Variants in PLEKHM1 observed in about 807,000 individuals in gnomAD.
The protein encoded by PLEKHM1 is pleckstrin homology domain-containing family M member 1.
A neutral mutation model predicts 94.3 loss-of-function variants in PLEKHM1; 28 were observed. The ratio of observed to expected loss-of-function variants is 0.30; its 90% CI spans 0.22 to 0.41. The LOEUF is 0.41. Ranked by LOEUF, PLEKHM1 falls within the 10% of genes least tolerant of loss-of-function variation. PLEKHM1 has a pLI of 1.00. For missense variants in PLEKHM1, 907 were observed against 1,358.6 expected, an observed-to-expected ratio of 0.67 and a Z score of 5.22; for synonymous variants, 424 against 581.2, an observed-to-expected ratio of 0.73 and a Z score of 3.89.
At chr17:45,462,794 C>T (rs1205483326) in intron 5 of PLEKHM1, among the ~76,000 whole-genome samples, 1 of 152,084 alleles carries the variant, frequency 6.6e-6, no homozygotes, top group Non-Finnish European at 1.5e-5. Flanking sequence ...AGATTATGGA[C>T]ATTCAGAATG....
intron 1 of PLEKHM1, among the ~76,000 whole-genome samples, chr17:45,487,140 CA>C (rs2052156158): frequency 6.6e-6 from 1 of 152,184 alleles, no homozygotes; most frequent in Admixed American, 6.5e-5. Context: ...TGACTGGTGC[CA>C]TTTAGGAAGC....
At chr17:45,468,764 C>T (rs2051405836) in intron 4 of PLEKHM1, among the ~76,000 whole-genome samples, 171 bp from the exon 5 acceptor site, 1 of 152,188 alleles carries the variant, frequency 6.6e-6, no homozygotes, top group Admixed American at 6.5e-5. Flanking sequence ...GACACTCCCA[C>T]CACGTTTTTC....
Position 45,468,247 on chromosome 17 carries a change from C to T in PLEKHM1, c.1270G>A (p.Ala424Thr). The change falls in exon 5 of 12, where the codon GCT becomes ACT. Residue 424 changes from alanine to threonine, a missense_variant. Ala to Thr is a moderately conservative substitution (Grantham distance 58). Around this residue, in one of 3 missense-constraint regions of PLEKHM1, gnomAD observed 477 missense variants for 601.5 expected, o/e 0.79. Transcript: ENST00000430334. ...GAGGAAACTACCAGCTTCAGACCAG[C>T]TCCGTCATGAGCCTGGGCCTTCTGC... ...GLQKAQAHDG[A>T]GLKLVVSSPT... 1 of 1,613,236 alleles carries T rather than the reference C, an allele frequency of 6.2e-7. No homozygotes were observed. The highest frequency in any genetic ancestry group is 8.5e-7 in the Non-Finnish European group (1 of 1,179,750).
intron 2 of PLEKHM1, among the ~76,000 whole-genome samples, chr17:45,480,378 G>C (rs1029085633): frequency 3.9e-5 from 6 of 152,006 alleles, no homozygotes; most frequent in African/African-American, 1.5e-4. Flanking sequence ...CAGCTACTTG[G>C]GAGGCAGAGG....
At chr17:45,487,637 A>T (rs1301092903) in intron 1 of PLEKHM1, 1 of 452,100 alleles carries the variant, frequency 2.2e-6, no homozygotes, top group Non-Finnish European at 4.5e-6. Flanking sequence ...GGTTTCCTGC[A>T]TTATACTGCC....
Position 45,458,280 on chromosome 17 carries a change from A to G in PLEKHM1, c.1468T>C (p.Ser490Pro), listed in dbSNP as rs923451297. The change falls in exon 6 of 12, where the codon TCC (serine) becomes CCC (proline). Residue 490 changes from serine to proline, a missense_variant. Transcript: ENST00000430334. Reference sequence around the variant, plus strand: ...CACGCTTGGTCTAACGCCCCCAGGGAGCAGTTTTTTCTTGGTTCTTGAGAA... The same window carrying G: ...CACGCTTGGTCTAACGCCCCCAGGGGGCAGTTTTTTCTTGGTTCTTGAGAA... The part of the protein sequence containing the change: ...HFSQEPRKNC[S>P]LGALDQACVP... The G allele has an allele frequency of 1.9e-6, 3 of 1,611,806 alleles. No homozygotes were observed. Among genetic ancestry groups the G allele is most frequent in the African/African-American group, 1.3e-5 (1 of 74,816 alleles).
At chr17:45,441,996 G>C (rs1455549851) in intron 9 of PLEKHM1, among the ~76,000 whole-genome samples, 1 of 152,142 alleles carries the variant, frequency 6.6e-6, no homozygotes, top group Non-Finnish European at 1.5e-5. Flanking sequence ...TGGGTGGGGG[G>C]CCTGGGTGCC....
At chr17:45,478,359 T>A (rs1002432377) in intron 2 of PLEKHM1, among the ~76,000 whole-genome samples, 6 of 152,228 alleles carry the variant, frequency 3.9e-5, no homozygotes, top group Non-Finnish European at 7.3e-5. Flanking sequence ...TCACACACAC[T>A]ACCCAGAGAT....
At chr17:45,481,303 C>T (rs1262812402) in intron 2 of PLEKHM1, among the ~76,000 whole-genome samples, 2 of 151,814 alleles carry the variant, frequency 1.3e-5, no homozygotes, top group South Asian at 4.1e-4. Context: ...GGATACTAGA[C>T]CCTTATCAGA....
At chr17:45,487,572 C>G (rs1023587454) in intron 1 of PLEKHM1, among the ~76,000 whole-genome samples, 4 of 152,220 alleles carry the variant, frequency 2.6e-5, no homozygotes, top group African/African-American at 9.6e-5. Flanking sequence ...CCTAAAGTCT[C>G]AGAGCTATAC....
At chr17:45,450,378 T>G (rs572342540) in intron 8 of PLEKHM1, among the ~76,000 whole-genome samples, 1 of 152,236 alleles carries the variant, frequency 6.6e-6, no homozygotes, top group African/African-American at 2.4e-5. Flanking sequence ...CAGGAAACCA[T>G]CCTCAAACTC....
chr17:45,470,838 T>C (rs1476756670), intron 4 of PLEKHM1, among the ~76,000 whole-genome samples: 2 of 146,120 alleles, frequency 1.4e-5, no homozygotes, highest in African/African-American at 5.0e-5. Context: ...TTTTGTATTG[T>C]TTTTTTTTTA....
intron 1 of PLEKHM1, among the ~76,000 whole-genome samples, chr17:45,486,192 A>G (rs1407873013): frequency 6.9e-6 from 1 of 145,554 alleles, no homozygotes; most frequent in Non-Finnish European, 1.5e-5. Flanking sequence ...ACTCCAGCCT[A>G]GGCGACAGAG....
chr17:45,453,810 T>G lies in PLEKHM1; in HGVS notation c.2042A>C (p.Glu681Ala). 6.2e-7 allele frequency: 1 copy of G among 1,613,986 alleles called. No individual in the cohort carries two copies. The highest frequency in any genetic ancestry group is 8.5e-7 in the Non-Finnish European group (1 of 1,179,864). ...CAGGGACTCCTTGATGGCATCTGGC[T>G]CTGGAACCTGGGCGGACGACCAGTC... Reference protein sequence around the residue: ...QFDWSSAQVPEPDAIKESLLY... With the variant: ...QFDWSSAQVPAPDAIKESLLY... Residue 681 changes from glutamate (E) to alanine (A), a missense_variant, in exon 7 of 12, where the codon GAG becomes GCG. This residue lies in a region of PLEKHM1 where 477 missense variants were observed against 601.5 expected (regional missense o/e 0.79). Transcript: ENST00000430334. This position sits in a 1 kb window ranked among gnomAD's most constrained non-coding sequence, Gnocchi z 4.1.
chr17:45,453,418 G>A lies in PLEKHM1; in HGVS notation c.2434C>T (p.Leu812=). The change falls in exon 7 of 12, where the codon CTG becomes TTG. Residue 812 remains leucine, a synonymous_variant. Coordinates refer to ENST00000430334, the MANE Select transcript of PLEKHM1 (RefSeq NM_014798.3). The surrounding 1 kb of genome is among the most constrained non-coding windows in gnomAD (Gnocchi z 4.1). Reference sequence around the variant, plus strand: ...ATGGGGATAGCCACCAGGTACTGCAGCAGGAAGCCATTCTCCCGGGTGGCA... The same window carrying A: ...ATGGGGATAGCCACCAGGTACTGCAACAGGAAGCCATTCTCCCGGGTGGCA... ...KFATRENGFL[L]QYLVAIPMEK... The A allele has an allele frequency of 1.9e-6, 3 of 1,613,780 alleles. No homozygotes were observed. Among genetic ancestry groups the A allele is most frequent in the Non-Finnish European group, 2.5e-6 (3 of 1,179,774 alleles).
At chr17:45,468,640 A>G (rs775674976) in intron 4 of PLEKHM1, 47 bp from the exon 5 acceptor site, 4 of 1,605,580 alleles carry the variant, frequency 2.5e-6, no homozygotes, top group Non-Finnish European at 3.4e-6. Context: ...TGTCTGCGAT[A>G]ATGCCCAAGG....
In PLEKHM1 at chr17:45,436,183, C is replaced by T; in HGVS notation, c.*1675G>A. ...CACCTTCGGGGAGAATCCTCACAGG[C>T]CCAAGCCCTCCCCAGGCCAGGCTCC... On this transcript the variant is annotated 3_prime_UTR_variant, in exon 12 of 12. Coordinates refer to ENST00000430334, the MANE Select transcript of PLEKHM1 (RefSeq NM_014798.3). 2.2e-6 allele frequency: 1 copy of T among 454,728 alleles called. No homozygotes were observed. Among genetic ancestry groups the T allele is most frequent in the Non-Finnish European group, 4.4e-6 (1 of 226,872 alleles). 28.2% of individuals were successfully genotyped at this position (454,728 alleles called of 1,614,324 possible).
At position 45,436,275 on chromosome 17, in the gene PLEKHM1, G is replaced by C. The variant is rs2050253644; in HGVS notation, c.*1583C>G. The C allele has an allele frequency of 2.2e-6, 1 of 454,082 alleles. No individual in the cohort carries two copies. Among genetic ancestry groups the C allele is most frequent in the African/African-American group, 2.0e-5 (1 of 50,018 alleles). The allele number at this position is 454,082 out of a possible 1,614,324, so 28.1% of individuals were successfully genotyped here. A position where few individuals can be genotyped will look rare whatever the true frequency, so the allele number is the denominator to read the frequency against. ...GGGCTTGTGGTGGAGCGTTAATGTG[G>C]GCCATGGCGGTGCATAACCCAGCTC... On this transcript the variant is annotated 3_prime_UTR_variant, in exon 12 of 12. Transcript: ENST00000430334.
chr17:45,486,240 AAAT>A (rs1261610793), intron 1 of PLEKHM1, among the ~76,000 whole-genome samples: 3 of 142,860 alleles, frequency 2.1e-5, no homozygotes, highest in African/African-American at 5.0e-5. Context: ...TAAAATAAAA[AAAT>A]AATAATAATA....
Sources: gnomAD v4.1 joint callset for allele counts (sites outside exome capture counted in the v4.1 genomes callset) on GRCh38, gnomAD v4.1.1 for gene constraint, gnomAD v4.1.1 regional missense constraint, Gnocchi (gnomAD v3.1) non-coding constraint, MANE v1.5 for transcripts, NCBI Gene and HGNC (gene_info 2026-07-23, HGNC 2026-07-21) for gene names.